RUBCN: variants seen among roughly 807,000 people sequenced by gnomAD.
RUBCN encodes run domain Beclin-1-interacting and cysteine-rich domain-containing protein.
In RUBCN, 74 loss-of-function variants were observed where a neutral mutation model predicts 113.2. That is an observed-to-expected ratio of 0.65 (90% CI 0.54 to 0.79). RUBCN has a LOEUF of 0.79. Ranked by LOEUF, RUBCN falls within the 30% of genes least tolerant of loss-of-function variation. The pLI is 0.00. For synonymous variants in RUBCN, 480 were observed against 490.0 expected, an observed-to-expected ratio of 0.98 and a Z score of 0.27; for missense variants, 1,109 against 1,251.7, an observed-to-expected ratio of 0.89 and a Z score of 1.72.
intron 17 of RUBCN, 59 bp from the exon 18 acceptor site, chr3:197,677,097 T>A (rs1580139178): frequency 1.9e-6 from 3 of 1,538,554 alleles, no homozygotes; most frequent in Non-Finnish European, 2.7e-6. Flanking sequence ...CACATCGTAG[T>A]AGAAGGATCC....
intron 1 of RUBCN, among the ~76,000 whole-genome samples, chr3:197,728,237 A>C (rs750451689): frequency 6.6e-6 from 1 of 152,064 alleles, no homozygotes; most frequent in Admixed American, 6.5e-5. Flanking sequence ...CCCTTCAAAA[A>C]ACAAAAACAG....
intron 9 of RUBCN, 123 bp from the exon 10 acceptor site, chr3:197,694,708 T>C (rs992005202): frequency 1.2e-6 from 1 of 832,344 alleles, no homozygotes; most frequent in South Asian, 1.4e-5. Flanking sequence ...CCTGGAGAAA[T>C]GGACATTTCT....
At chr3:197,726,985 G>C (rs1726836530) in intron 1 of RUBCN, among the ~76,000 whole-genome samples, 1 of 146,782 alleles carries the variant, frequency 6.8e-6, no homozygotes, top group Non-Finnish European at 1.5e-5. Flanking sequence ...TGTCGCCCAG[G>C]CTGGAGGGCA....
intron 8 of RUBCN, 131 bp from the exon 9 acceptor site, chr3:197,696,112 A>G (rs1722971223): frequency 1.1e-6 from 1 of 879,842 alleles, no homozygotes; most frequent in African/African-American, 1.7e-5. Context: ...TCCACCTTCT[A>G]AAAGAATTTC....
At chr3:197,716,439 T>C (rs1725522159) in intron 2 of RUBCN, among the ~76,000 whole-genome samples, 1 of 152,210 alleles carries the variant, frequency 6.6e-6, no homozygotes, top group Admixed American at 6.5e-5. Context: ...TCTCATTCTG[T>C]AGAAACATTT....
rs1264179436 is a variant in RUBCN, at chr3:197,679,884, G to A, written c.2430+1245C>T. On this transcript the variant is annotated intron_variant, in intron 16 of 19. Transcript: ENST00000296343. ...CTGACAACTGGCTCCAGACTGTCCT[G>A]TGCTCTGACAACTGGCTTCAGACTG... Among the ~76,000 whole-genome samples, 10 of 107,776 alleles carry A rather than the reference G, an allele frequency of 9.3e-5. No individual in the cohort carries two copies. The East Asian group carries it at 1.6e-3, about 17-fold the overall frequency. The allele number at this position is 107,776 out of a possible 152,430, so 70.7% of individuals were successfully genotyped here.
chr3:197,691,977 T>G (rs1464550000), intron 11 of RUBCN, among the ~76,000 whole-genome samples: 2 of 152,074 alleles, frequency 1.3e-5, no homozygotes, highest in African/African-American at 4.8e-5. Flanking sequence ...ATACGCCCCT[T>G]TCAATCATAC....
intron 16 of RUBCN, among the ~76,000 whole-genome samples, chr3:197,678,645 A>G (rs1398828410): frequency 1.4e-5 from 2 of 139,336 alleles, no homozygotes; most frequent in Non-Finnish European, 3.1e-5. Flanking sequence ...CCTACGCTCT[A>G]ACTGACAACT....
intron 10 of RUBCN, 168 bp downstream of exon 10, chr3:197,694,207 C>T: frequency 1.3e-6 from 1 of 758,664 alleles, no homozygotes; most frequent in Non-Finnish European, 2.3e-6. Flanking sequence ...GCAGGTATTT[C>T]TGATGCAGGA....
intron 14 of RUBCN, among the ~76,000 whole-genome samples, chr3:197,682,128 T>C (rs558582248): frequency 1.3e-5 from 2 of 152,014 alleles, no homozygotes; most frequent in African/African-American, 2.4e-5. Context: ...TCTGTACAAA[T>C]ATAAGGAATG....
At chr3:197,740,149 C>T (rs1344630824), upstream of RUBCN, among the ~76,000 whole-genome samples, 1 of 152,122 alleles carries the variant, frequency 6.6e-6, no homozygotes. Flanking sequence ...TCTTTAAAGC[C>T]ATTAATAAAC....
intron 1 of RUBCN, among the ~76,000 whole-genome samples, chr3:197,730,752 T>A (rs1727330499): frequency 6.6e-6 from 1 of 151,722 alleles, no homozygotes; most frequent in South Asian, 2.1e-4. Context: ...AACATATGGC[T>A]GCTTGAGATA....
intron 11 of RUBCN, among the ~76,000 whole-genome samples, chr3:197,687,188 A>G (rs181679472): frequency 6.6e-6 from 1 of 152,374 alleles, no homozygotes; most frequent in African/African-American, 2.4e-5. Flanking sequence ...TGGGAATCCA[A>G]CTTCAACACA....
intron 7 of RUBCN, 65 bp from the exon 8 acceptor site, chr3:197,697,114 T>C (rs1723101776): frequency 2.4e-6 from 2 of 842,504 alleles, no homozygotes; most frequent in Admixed American, 3.5e-5. Context: ...CATTCCCAAC[T>C]CTGGAGTTTC....
In RUBCN at chr3:197,670,176, T is replaced by C. The variant is rs1719650589; in HGVS notation, c.*4842A>G. 6.6e-6 allele frequency among the ~76,000 whole-genome samples: 1 copy of C among 152,260 alleles called. No individual in the cohort carries two copies. The highest frequency in any genetic ancestry group is 2.1e-4 in the South Asian group (1 of 4,834). ...TGCTGGGATTACAGGCGTGAGCCAC[T>C]GTGTGCGGCTCACTATCATAATTTT... On this transcript the variant is annotated 3_prime_UTR_variant, in exon 20 of 20. Transcript: ENST00000296343.
At chr3:197,685,163 G>C (rs1560413105) in intron 11 of RUBCN, among the ~76,000 whole-genome samples, 1 of 152,162 alleles carries the variant, frequency 6.6e-6, no homozygotes, top group South Asian at 2.1e-4. Flanking sequence ...AACCTCCAGA[G>C]ACCTCAGAGA....
intron 7 of RUBCN, among the ~76,000 whole-genome samples, chr3:197,698,613 A>G (rs1256321434): frequency 1.3e-5 from 2 of 152,208 alleles, no homozygotes; most frequent in East Asian, 1.9e-4. Flanking sequence ...ACATGCAAGT[A>G]TATCTAAGAC....
intron 8 of RUBCN, among the ~76,000 whole-genome samples, chr3:197,696,628 T>A (rs1474443303): frequency 6.9e-6 from 1 of 145,426 alleles, no homozygotes; most frequent in East Asian, 2.1e-4. Flanking sequence ...TGTCTGCTGG[T>A]TACTAAGCCC....
chr3:197,696,034 A>C (rs1366671839), intron 8 of RUBCN, 53 bp from the exon 9 acceptor site: 4 of 1,552,482 alleles, frequency 2.6e-6, no homozygotes, highest in Non-Finnish European at 3.6e-6. Flanking sequence ...GGAAGTCTTA[A>C]GCTTTTGTCA....
Sources: gnomAD v4.1 joint callset for allele counts (sites outside exome capture counted in the v4.1 genomes callset) on GRCh38, gnomAD v4.1.1 for gene constraint, MANE v1.5 for transcripts, NCBI Gene and HGNC (gene_info 2026-07-23, HGNC 2026-07-21) for gene names.